The following KCNH7 variants were observed in gnomAD, a reference collection of about 807,000 sequenced individuals.
KCNH7 encodes the protein voltage-gated inwardly rectifying potassium channel KCNH7.
A neutral mutation model predicts 120.8 loss-of-function variants in KCNH7; 49 were observed. The ratio of observed to expected loss-of-function variants is 0.41; its 90% CI spans 0.32 to 0.51. The LOEUF is 0.51. Ranked by LOEUF, KCNH7 falls within the 20% of genes least tolerant of loss-of-function variation. The pLI is 0.38. For missense variants in KCNH7, 1,097 were observed against 1,446.6 expected, an observed-to-expected ratio of 0.76 and a Z score of 3.92; for synonymous variants, 547 against 516.1, an observed-to-expected ratio of 1.06 and a Z score of -0.81.
intron 2 of KCNH7, among the ~76,000 whole-genome samples, chr2:162,554,121 T>G (rs776066871): frequency 1.3e-5 from 2 of 152,220 alleles, no homozygotes; most frequent in Non-Finnish European, 2.9e-5. Flanking sequence ...TAATGAATCA[T>G]AACTGTTAGT....
intron 2 of KCNH7, among the ~76,000 whole-genome samples, chr2:162,565,323 A>AAT (rs1395365167): frequency 6.6e-6 from 1 of 152,080 alleles, no homozygotes; most frequent in Non-Finnish European, 1.5e-5. Flanking sequence ...TGAGGAAAAA[A>AAT]AACGTAACTA....
intron 9 of KCNH7, among the ~76,000 whole-genome samples, chr2:162,403,669 G>C (rs1270593271): frequency 6.6e-6 from 1 of 151,896 alleles, no homozygotes; most frequent in Non-Finnish European, 1.5e-5. Flanking sequence ...AACTTGCCTA[G>C]GTTAAGGACT....
chr2:162,561,536 A>G (rs1313436345), intron 2 of KCNH7, among the ~76,000 whole-genome samples: 1 of 152,126 alleles, frequency 6.6e-6, no homozygotes, highest in Non-Finnish European at 1.5e-5. Context: ...CTATTTCTCC[A>G]CATCCTCTCC....
At chr2:162,646,684 C>G (rs1049552998) in intron 2 of KCNH7, among the ~76,000 whole-genome samples, 1 of 151,934 alleles carries the variant, frequency 6.6e-6, no homozygotes, top group African/African-American at 2.4e-5. Context: ...CAAAGGGGAC[C>G]ATAAGAGAAG....
At chr2:162,446,495 T>A in intron 6 of KCNH7, 52 bp from the exon 7 acceptor site, 3 of 1,325,054 alleles carry the variant, frequency 2.3e-6, no homozygotes, top group Non-Finnish European at 3.1e-6. Flanking sequence ...ATTTTTAATC[T>A]GGTAAACCTA....
chr2:162,612,961 T>C (rs994152526), intron 2 of KCNH7, among the ~76,000 whole-genome samples: 9 of 151,814 alleles, frequency 5.9e-5, no homozygotes, highest in Non-Finnish European at 1.0e-4. Flanking sequence ...AAATGAAAAA[T>C]ATGACAGTTT....
At chr2:162,625,055 A>C (rs1370709782) in intron 2 of KCNH7, among the ~76,000 whole-genome samples, 4 of 151,444 alleles carry the variant, frequency 2.6e-5, no homozygotes, top group Non-Finnish European at 5.9e-5. Flanking sequence ...GCACCAACAC[A>C]CCTGGCTAAT....
At chr2:162,774,342 GT>G (rs1683161403) in intron 2 of KCNH7, among the ~76,000 whole-genome samples, 1 of 152,116 alleles carries the variant, frequency 6.6e-6, no homozygotes, top group African/African-American at 2.4e-5. Context: ...TGGGTCAGAA[GT>G]GGAGAGATCT....
intron 6 of KCNH7, among the ~76,000 whole-genome samples, chr2:162,462,451 G>T (rs1689173910): frequency 1.3e-5 from 2 of 151,874 alleles, no homozygotes; most frequent in Admixed American, 6.6e-5. Context: ...ATAAGGCTTG[G>T]ATTTCTATGG....
rs149508012 is a variant in KCNH7 at position 162,679,737 on chromosome 2, AAAAC to A, written c.308-142661_308-142658del. Among the ~76,000 whole-genome samples the A allele has an allele frequency of 5.4e-3, 823 of 151,810 alleles. 7 individuals are homozygous for A. Among genetic ancestry groups the A allele is most frequent in the African/African-American group, 0.019 (770 of 41,512 alleles). ...TTTAATTATCTATCTTTCAGGGTGA[AAAAC>A]AAGGCAGGGTTCAGCTTTGTGTTAA... On this transcript the variant is annotated intron_variant, in intron 2 of 15. Transcript: ENST00000332142.
At chr2:162,782,597 G>A (rs1032412) in intron 2 of KCNH7, among the ~76,000 whole-genome samples, 81,353 of 151,978 alleles carry the variant, frequency 0.54, 25,279 homozygotes, top group Non-Finnish European at 0.7. Flanking sequence ...TTCAAACTTC[G>A]TGGGTCATTG....
intron 13 of KCNH7, 55 bp from the exon 14 acceptor site, chr2:162,380,076 T>C: frequency 1.3e-6 from 2 of 1,572,648 alleles, no homozygotes; most frequent in Non-Finnish European, 1.7e-6. Context: ...TTTGCGTCAA[T>C]AATTCATAGA....
At chr2:162,755,148 G>T (rs1242243173) in intron 2 of KCNH7, among the ~76,000 whole-genome samples, 2 of 151,826 alleles carry the variant, frequency 1.3e-5, no homozygotes, top group Admixed American at 6.6e-5. Flanking sequence ...TTTCTATATG[G>T]TTGATGTTAA....
At chr2:162,601,344 C>G (rs1694544532) in intron 2 of KCNH7, among the ~76,000 whole-genome samples, 1 of 128,040 alleles carries the variant, frequency 7.8e-6, no homozygotes, top group Non-Finnish European at 1.6e-5. Context: ...CAATAATCAT[C>G]TGAATATATT....
At chr2:162,675,451 C>G (rs1238071514) in intron 2 of KCNH7, among the ~76,000 whole-genome samples, 2 of 151,182 alleles carry the variant, frequency 1.3e-5, no homozygotes, top group Non-Finnish European at 3.0e-5. Context: ...TTTGGAACAG[C>G]AAAAAGAAAA....
chr2:162,691,796 T>C (rs1042205946), intron 2 of KCNH7, among the ~76,000 whole-genome samples: 1 of 152,170 alleles, frequency 6.6e-6, no homozygotes, highest in African/African-American at 2.4e-5. Flanking sequence ...GCAGATTATG[T>C]CACATTTTAA....
In KCNH7 at chr2:162,373,621, T is replaced by C; in HGVS notation, c.3173A>G (p.Gln1058Arg). Residue 1058 changes from glutamine (Q) to arginine (R), a missense_variant, in exon 15 of 16, where the codon CAG (glutamine) becomes CGG (arginine). By Grantham distance (43) the Gln-to-Arg change is conservative. This residue lies in a region of KCNH7 where 406 missense variants were observed against 410.5 expected (regional missense o/e 0.99). Coordinates refer to ENST00000332142, the MANE Select transcript of KCNH7 (RefSeq NM_033272.4). ...QMTTDIQTILQLLQKQTTVVP... is the reference protein window; with the variant it reads ...QMTTDIQTILRLLQKQTTVVP... ...CACAGTGGTTTGTTTCTGCAGCAACTGTAAGATGGTCTGGATGTCAGTGGT... is the reference window on the plus strand; with the variant it reads ...CACAGTGGTTTGTTTCTGCAGCAACCGTAAGATGGTCTGGATGTCAGTGGT... 1.9e-6 allele frequency: 3 copies of C among 1,558,704 alleles called. No homozygotes were observed. The highest frequency in any genetic ancestry group is 2.6e-6 in the Non-Finnish European group (3 of 1,151,080).
chr2:162,781,806 C>T (rs2105496026), intron 2 of KCNH7, among the ~76,000 whole-genome samples: 1 of 152,212 alleles, frequency 6.6e-6, no homozygotes, highest in Non-Finnish European at 1.5e-5. Flanking sequence ...TTCAAGACTT[C>T]AAGCAGAGAA....
At chr2:162,580,123 C>G (rs1207864664) in intron 2 of KCNH7, among the ~76,000 whole-genome samples, 3 of 151,970 alleles carry the variant, frequency 2.0e-5, no homozygotes, top group African/African-American at 4.8e-5. Context: ...TGAGCTTGTG[C>G]TAAAGGCATC....
Sources: gnomAD v4.1 joint callset for allele counts (sites outside exome capture counted in the v4.1 genomes callset) on GRCh38, gnomAD v4.1.1 for gene constraint, gnomAD v4.1.1 regional missense constraint, MANE v1.5 for transcripts, NCBI Gene and HGNC (gene_info 2026-07-23, HGNC 2026-07-21) for gene names.